Variants in IL1RAPL1 observed in about 807,000 individuals in gnomAD.
The protein encoded by IL1RAPL1 is interleukin-1 receptor accessory protein-like 1.
A neutral mutation model predicts 48.4 loss-of-function variants in IL1RAPL1; 3 were observed. That is an observed-to-expected ratio of 0.06 (90% CI 0.03 to 0.16). The LOEUF (loss-of-function observed/expected upper bound fraction) is 0.16, where lower values mean the gene tolerates loss of function less well. Among genes scored for constraint, IL1RAPL1 ranks in the 10% least tolerant of loss-of-function variants. IL1RAPL1 has a pLI of 1.00. For synonymous variants in IL1RAPL1, 185 were observed against 187.7 expected, an observed-to-expected ratio of 0.99 and a Z score of 0.12; for missense variants, 349 against 530.6, an observed-to-expected ratio of 0.66 and a Z score of 3.36.
chrX:29,802,773 ATATATATATGTGTGTG>A (rs201768844), intron 6 of IL1RAPL1, among the ~76,000 whole-genome samples: 1,843 of 29,197 alleles, frequency 0.063, 95 homozygotes, highest in East Asian at 0.12. Flanking sequence ...ATATATATAT[ATATATATATGTGTGTG>A]TGTATATATA....
At chrX:29,194,517 G>A (rs1347175873) in intron 2 of IL1RAPL1, among the ~76,000 whole-genome samples, 5 of 112,242 alleles carry the variant, frequency 4.5e-5, no homozygotes, top group African/African-American at 1.6e-4. Context: ...CTGTGGTGTA[G>A]CATTTGGGGA....
intron 6 of IL1RAPL1, among the ~76,000 whole-genome samples, chrX:29,763,650 A>T (rs960754084): frequency 2.7e-5 from 3 of 111,272 alleles, no homozygotes; most frequent in Non-Finnish European, 5.7e-5. Context: ...AAAGTAATGT[A>T]AGTTTAGTAT....
At position 29,618,799 on chromosome X, in the gene IL1RAPL1, G is replaced by A. The variant is rs1164379143; in HGVS notation, c.704-49631G>A. 3.6e-5 allele frequency among the ~76,000 whole-genome samples: 4 copies of A among 111,836 alleles called. No homozygotes were observed. The Admixed American group carries it at 3.8e-4, about 11-fold the overall frequency. ...GGATTAGGATCTGGATATCTTTGGGGACCAGGAATCAGCCTATCACACTAG... is the reference window on the plus strand; with the variant it reads ...GGATTAGGATCTGGATATCTTTGGGAACCAGGAATCAGCCTATCACACTAG... On this transcript the variant is annotated intron_variant, in intron 5 of 10. Coordinates refer to ENST00000378993, the MANE Select transcript of IL1RAPL1 (RefSeq NM_014271.4).
In IL1RAPL1 at chrX:29,917,467, A is replaced by G; in HGVS notation, c.782A>G (p.Asp261Gly). The G allele has an allele frequency of 8.3e-7, 1 of 1,209,132 alleles. No homozygotes were observed. Among genetic ancestry groups the G allele is most frequent in the Non-Finnish European group, 1.1e-6 (1 of 893,285 alleles). The change falls in exon 7 of 11, where the codon GAC (aspartate) becomes GGC (glycine). Residue 261 changes from aspartate to glycine, a missense_variant. Asp to Gly is a moderately conservative substitution (Grantham distance 94). Around this residue, in one of 3 missense-constraint regions of IL1RAPL1, gnomAD observed 238 missense variants for 337.8 expected, o/e 0.70. Coordinates refer to ENST00000378993, the MANE Select transcript of IL1RAPL1 (RefSeq NM_014271.4). ...TTTCCATCACTTCTCTCTGCAGGTG[A>G]CTCTGCTAATCTAACCTGCAGAGCT... ...KLTIQETQLG[D>G]SANLTCRAFF...
chrX:29,080,489 AAAG>A (rs1222454258), intron 2 of IL1RAPL1, among the ~76,000 whole-genome samples: 4 of 111,483 alleles, frequency 3.6e-5, no homozygotes, highest in Non-Finnish European at 5.7e-5. Context: ...GATTCAGACC[AAAG>A]AAGGAGTAAG....
At chrX:28,773,408 C>G (rs1936329519) in intron 1 of IL1RAPL1, among the ~76,000 whole-genome samples, 1 of 111,767 alleles carries the variant, frequency 8.9e-6, no homozygotes, top group South Asian at 3.7e-4. Flanking sequence ...CTTTGACATT[C>G]ACTTTACCAC....
intron 3 of IL1RAPL1, among the ~76,000 whole-genome samples, chrX:29,313,474 CCTTCAAAATA>C (rs1171289973): frequency 2.7e-5 from 3 of 111,919 alleles, no homozygotes; most frequent in Admixed American, 9.5e-5. Context: ...TCCTCAGTTT[CCTTCAAAATA>C]TGTTCTATGG....
At chrX:28,850,776 A>G (rs753179458) in intron 2 of IL1RAPL1, among the ~76,000 whole-genome samples, 3 of 105,258 alleles carry the variant, frequency 2.9e-5, no homozygotes, top group Non-Finnish European at 5.8e-5. Context: ...CCTTATTCGT[A>G]TTTGGCCACA....
intron 2 of IL1RAPL1, among the ~76,000 whole-genome samples, chrX:29,232,613 T>C (rs755133203): frequency 2.6e-4 from 29 of 111,292 alleles, no homozygotes; most frequent in Non-Finnish European, 5.1e-4. Flanking sequence ...ATCCTCCTGA[T>C]TGCCTAACAT....
At chrX:28,866,513 C>G (rs1041431813) in intron 2 of IL1RAPL1, among the ~76,000 whole-genome samples, 2 of 97,226 alleles carry the variant, frequency 2.1e-5, no homozygotes, top group African/African-American at 7.6e-5. Context: ...CTTGTTCCCC[C>G]CAAAAACTAT....
intron 5 of IL1RAPL1, among the ~76,000 whole-genome samples, chrX:29,513,510 T>A (rs1935415597): frequency 8.9e-6 from 1 of 112,217 alleles, no homozygotes; most frequent in Non-Finnish European, 1.9e-5. Flanking sequence ...AATTCCTTTT[T>A]AAAATGATTG....
chrX:29,858,673 C>G (rs1309942501), intron 6 of IL1RAPL1, among the ~76,000 whole-genome samples: 1 of 111,491 alleles, frequency 9.0e-6, no homozygotes, highest in African/African-American at 3.3e-5. Flanking sequence ...AATTGTTTAC[C>G]CTGGAGCTTG....
intron 5 of IL1RAPL1, among the ~76,000 whole-genome samples, chrX:29,518,140 A>G: frequency 8.9e-6 from 1 of 112,021 alleles, no homozygotes; most frequent in East Asian, 2.8e-4. Context: ...AAAGCAGTGA[A>G]TAAAACAGAC....
chrX:28,940,999 T>C (rs1248826408), intron 2 of IL1RAPL1, among the ~76,000 whole-genome samples: 2 of 111,113 alleles, frequency 1.8e-5, no homozygotes, highest in African/African-American at 6.5e-5. Flanking sequence ...CTTTTTATTT[T>C]GGTTATTCTT....
intron 3 of IL1RAPL1, among the ~76,000 whole-genome samples, chrX:29,327,966 G>A (rs1932853443): frequency 8.9e-6 from 1 of 112,038 alleles, no homozygotes; most frequent in South Asian, 3.7e-4. Context: ...TTGACCTGCA[G>A]TCTGTCGTTT....
intron 6 of IL1RAPL1, among the ~76,000 whole-genome samples, chrX:29,821,820 T>A (rs1240223806): frequency 8.9e-6 from 1 of 112,626 alleles, no homozygotes; most frequent in African/African-American, 3.2e-5. Context: ...AATCATTTTA[T>A]TCTTAGTGCT....
chrX:29,063,523 A>C (rs182845090), intron 2 of IL1RAPL1, among the ~76,000 whole-genome samples: 1 of 111,814 alleles, frequency 8.9e-6, no homozygotes, highest in Non-Finnish European at 1.9e-5. Flanking sequence ...TCTGAATGAA[A>C]GCAGGAAGAG....
intron 1 of IL1RAPL1, among the ~76,000 whole-genome samples, chrX:28,607,027 G>T (rs1357829500): frequency 1.2e-4 from 13 of 109,643 alleles, no homozygotes; most frequent in Non-Finnish European, 2.5e-4. Context: ...TAGTTATAAC[G>T]GAAAGTCTTT....
intron 2 of IL1RAPL1, among the ~76,000 whole-genome samples, chrX:28,791,136 A>G (rs1239981769): frequency 9.1e-6 from 1 of 110,433 alleles, no homozygotes; most frequent in African/African-American, 3.3e-5. Flanking sequence ...TGTCAGATCT[A>G]TGATTTATTT....
Sources: gnomAD v4.1 joint callset for allele counts (sites outside exome capture counted in the v4.1 genomes callset) on GRCh38, gnomAD v4.1.1 for gene constraint, gnomAD v4.1.1 regional missense constraint, MANE v1.5 for transcripts, NCBI Gene and HGNC (gene_info 2026-07-23, HGNC 2026-07-21) for gene names.